RAB37: variants seen among roughly 807,000 people sequenced by gnomAD.
The protein encoded by RAB37 is RAB37, member RAS oncogene family, also known as ras-related protein Rab-37.
In RAB37, 29 loss-of-function variants were observed where a neutral mutation model predicts 33.1. The ratio of observed to expected loss-of-function variants is 0.88; its 90% CI spans 0.65 to 1.20. The LOEUF is 1.20. Ranked by LOEUF, RAB37 falls within the 50% of genes most tolerant of loss-of-function variation. RAB37 has a pLI of 0.00. For missense variants in RAB37, 299 were observed against 301.1 expected, an observed-to-expected ratio of 0.99 and a Z score of 0.05; for synonymous variants, 128 against 119.5, an observed-to-expected ratio of 1.07 and a Z score of -0.47.
chr17:74,737,134 T>A (rs2034492509), upstream of RAB37: 6 of 1,568,342 alleles, frequency 3.8e-6, no homozygotes, highest in Admixed American at 1.7e-5. Flanking sequence ...GCCGGTGTCG[T>A]CGAGGGGGCG....
intron 1 of RAB37, chr17:74,695,226 G>A (rs1370872675): frequency 1.9e-6 from 3 of 1,614,124 alleles, no homozygotes; most frequent in East Asian, 2.2e-5. Context: ...AGATGCATAG[G>A]AAATGTCCTC....
At chr17:74,721,136 A>G (rs1567807436) in intron 1 of RAB37, among the ~76,000 whole-genome samples, 2 of 152,166 alleles carry the variant, frequency 1.3e-5, no homozygotes, top group Non-Finnish European at 1.5e-5. Flanking sequence ...ATGGTGGGCC[A>G]GGGTGGTTTT....
At chr17:74,696,177 C>A (rs759857167) in intron 1 of RAB37, 8 of 1,599,428 alleles carry the variant, frequency 5.0e-6, no homozygotes, top group South Asian at 2.2e-5. Context: ...TCTGGTCCGA[C>A]CTTGGGGGCT....
chr17:74,704,556 C>T (rs2033350902), intron 1 of RAB37: 2 of 1,614,224 alleles, frequency 1.2e-6, no homozygotes, highest in Non-Finnish European at 1.7e-6. Context: ...GTGTCAGCAT[C>T]AGTTTTCATG....
chr17:74,736,885 C>T, upstream of RAB37: 2 of 1,494,518 alleles, frequency 1.3e-6, no homozygotes, highest in African/African-American at 1.4e-5. Context: ...CGGCCCGGGG[C>T]TCGGGCGCCG....
chr17:74,692,558 C>T (rs1454822767), intron 1 of RAB37, among the ~76,000 whole-genome samples: 2 of 152,120 alleles, frequency 1.3e-5, no homozygotes, highest in East Asian at 1.9e-4. Context: ...GGTCACCGGC[C>T]TGTGGTGCTC....
chr17:74,675,182 C>T (rs994699309), intron 1 of RAB37, among the ~76,000 whole-genome samples: 1 of 151,998 alleles, frequency 6.6e-6, no homozygotes, highest in Non-Finnish European at 1.5e-5. Context: ...GGCGCAGTGG[C>T]TCCCAGCACT....
intron 1 of RAB37, among the ~76,000 whole-genome samples, chr17:74,716,712 AAGAGAGAG>A (rs372536172): frequency 6.7e-6 from 1 of 149,044 alleles, no homozygotes; most frequent in African/African-American, 2.5e-5. Context: ...GGGGCAGAGA[AAGAGAGAG>A]AGAGAGAGAG....
At chr17:74,703,289 C>T (rs146451116) in intron 1 of RAB37, 61 of 632,334 alleles carry the variant, frequency 9.6e-5, no homozygotes, top group Admixed American at 5.6e-5. Context: ...CTCATGTCTC[C>T]CTGGTCTCTA....
chr17:74,715,934 G>A (rs1458745065), intron 1 of RAB37, among the ~76,000 whole-genome samples: 1 of 152,160 alleles, frequency 6.6e-6, no homozygotes, highest in African/African-American at 2.4e-5. Flanking sequence ...GGAGGCTGAG[G>A]CAAGAGAATT....
At chr17:74,701,754 G>A (rs1288199736) in intron 1 of RAB37, among the ~76,000 whole-genome samples, 3 of 151,666 alleles carry the variant, frequency 2.0e-5, no homozygotes, top group African/African-American at 4.8e-5. Context: ...AGAAGCTGAG[G>A]TATGAGAATC....
intron 1 of RAB37, among the ~76,000 whole-genome samples, chr17:74,715,886 C>T (rs1286260003): frequency 4.6e-5 from 7 of 152,144 alleles, no homozygotes; most frequent in Admixed American, 3.3e-4. Context: ...AAAAATTAGC[C>T]GGGCATGGTG....
intron 1 of RAB37, among the ~76,000 whole-genome samples, chr17:74,706,120 G>C (rs1370898386): frequency 6.6e-6 from 1 of 151,988 alleles, no homozygotes; most frequent in Non-Finnish European, 1.5e-5. Flanking sequence ...GGAGGGAAGG[G>C]AGCAAGCACT....
chr17:74,734,934 GAGAA>G (rs546356955), upstream of RAB37, among the ~76,000 whole-genome samples: 50 of 117,020 alleles, frequency 4.3e-4, no homozygotes, highest in East Asian at 2.0e-3. Context: ...GAGAAAGAAA[GAGAA>G]AGAAAGAAAG....
intron 1 of RAB37, among the ~76,000 whole-genome samples, chr17:74,723,781 T>G (rs903623403): frequency 4.6e-5 from 7 of 152,070 alleles, no homozygotes; most frequent in African/African-American, 1.7e-4. Flanking sequence ...TTCACTATGT[T>G]GGCAGGCTGG....
At chr17:74,710,574 T>C (rs2033873100) in intron 1 of RAB37, among the ~76,000 whole-genome samples, 1 of 151,810 alleles carries the variant, frequency 6.6e-6, no homozygotes, top group Non-Finnish European at 1.5e-5. Flanking sequence ...AAAAGCACAG[T>C]GAGGCTGGGC....
At chr17:74,682,926 A>G (rs1484552759) in intron 1 of RAB37, among the ~76,000 whole-genome samples, 1 of 152,226 alleles carries the variant, frequency 6.6e-6, no homozygotes, top group Non-Finnish European at 1.5e-5. Flanking sequence ...GTGGAAGACA[A>G]TGGTTTCCAG....
At chr17:74,705,397 C>G (rs1237898011) in intron 1 of RAB37, 4 of 538,334 alleles carry the variant, frequency 7.4e-6, no homozygotes, top group Non-Finnish European at 1.4e-5. Flanking sequence ...CCATACAACA[C>G]AGATCCCACT....
At chr17:74,728,901 T>C (rs2034347563) in intron 1 of RAB37, among the ~76,000 whole-genome samples, 1 of 152,120 alleles carries the variant, frequency 6.6e-6, no homozygotes, top group African/African-American at 2.4e-5. Context: ...TGTGTTTTTC[T>C]GTGTCTGTAC....
Sources: allele counts gnomAD v4.1 joint callset (sites outside exome capture counted in the v4.1 genomes callset), GRCh38; gene constraint gnomAD v4.1.1; transcripts MANE v1.5; gene names NCBI Gene and HGNC (gene_info 2026-07-23, HGNC 2026-07-21).